Variants in GATA6 observed in about 807,000 individuals in gnomAD.
The protein encoded by GATA6 is transcription factor GATA-6.
A neutral mutation model predicts 48.1 loss-of-function variants in GATA6; 11 were observed. The ratio of observed to expected loss-of-function variants is 0.23; its 90% CI spans 0.14 to 0.38. The LOEUF is 0.38. Ranked by LOEUF, GATA6 falls within the 10% of genes least tolerant of loss-of-function variation. The pLI, the probability that GATA6 is intolerant of heterozygous loss-of-function variation, is 1.00. For missense variants in GATA6, 795 were observed against 850.3 expected, an observed-to-expected ratio of 0.93 and a Z score of 0.81; for synonymous variants, 419 against 396.1, an observed-to-expected ratio of 1.06 and a Z score of -0.69.
intron 6 of GATA6, among the ~76,000 whole-genome samples, chr18:22,184,574 A>C (rs1370042408): frequency 1.3e-5 from 2 of 151,944 alleles, no homozygotes; most frequent in Non-Finnish European, 2.9e-5. Context: ...GGCTCACTGC[A>C]ACCTCCACTT....
At position 22,172,321 on chromosome 18, in the gene GATA6, C is replaced by T; in HGVS notation, c.1135+42C>T. The T allele has an allele frequency of 6.6e-7, 1 of 1,517,764 alleles. No individual in the cohort carries two copies. The highest frequency in any genetic ancestry group is 1.4e-5 in the African/African-American group (1 of 72,630). 94.0% of individuals were successfully genotyped at this position (1,517,764 alleles called of 1,614,324 possible). On this transcript the variant is annotated intron_variant, in intron 2 of 6. Transcript: ENST00000269216. The surrounding 1 kb of genome is among the most constrained non-coding windows in gnomAD (Gnocchi z 5.2). The stretch of plus-strand genomic sequence containing the variant: ...AGGTTCGGGGTGCGGGTCCAAAGCG[C>T]TGGGGCGCACGGGGGACGTGGAGCA...
chr18:22,182,124 C>T (rs1030934900), intron 4 of GATA6, among the ~76,000 whole-genome samples: 1 of 152,158 alleles, frequency 6.6e-6, no homozygotes, highest in Non-Finnish European at 1.5e-5. Flanking sequence ...AATAACCTTG[C>T]ATCTGTAGGA....
chr18:22,172,029 C>G lies in GATA6; in HGVS notation c.885C>G (p.Gly295=). 5.6e-6 allele frequency: 7 copies of G among 1,249,956 alleles called. No individual in the cohort carries two copies. The highest frequency in any genetic ancestry group is 7.0e-6 in the Non-Finnish European group (7 of 1,000,454). The allele number at this position is 1,249,956 out of a possible 1,614,324, so 77.4% of individuals were successfully genotyped here. The stretch of plus-strand genomic sequence containing the variant: ...GTGGGGGCGCGGGAGGCGTGAGCGG[C>G]GGCGGCAGTAGCCTGGCGGCCATGG... The part of the protein sequence containing the change: ...AGSGGAGGVS[G]GGSSLAAMGG... The change falls in exon 2 of 7, where the codon GGC becomes GGG. Residue 295 remains glycine (G), a synonymous_variant. Coordinates refer to ENST00000269216, the MANE Select transcript of GATA6 (RefSeq NM_005257.6). This position sits in a 1 kb window ranked among gnomAD's most constrained non-coding sequence, Gnocchi z 5.2.
intron 6 of GATA6, among the ~76,000 whole-genome samples, chr18:22,188,033 T>C (rs2033284932): frequency 1.3e-5 from 2 of 152,104 alleles, no homozygotes; most frequent in African/African-American, 4.8e-5. Flanking sequence ...GACTAGGAGT[T>C]TGAGATCAGC....
chr18:22,177,245 G>A (rs967721170), intron 3 of GATA6, 124 bp downstream of exon 3: 3 of 873,436 alleles, frequency 3.4e-6, no homozygotes, highest in African/African-American at 3.6e-5. Context: ...CGGCCGCTGC[G>A]GTCCCACCCT....
chr18:22,191,031 TCGTGTGTGTG>T (rs2033320926), intron 6 of GATA6, among the ~76,000 whole-genome samples: 2 of 106,910 alleles, frequency 1.9e-5, no homozygotes, highest in African/African-American at 7.6e-5. Flanking sequence ...TTTTTAAATC[TCGTGTGTGTG>T]TGTGTGTGTG....
chr18:22,171,478 TTGC>T lies in GATA6; in HGVS notation c.340_342del (p.Leu114del). 1.2e-6 allele frequency: 2 copies of T among 1,601,038 alleles called. No homozygotes were observed. Among genetic ancestry groups the T allele is most frequent in the Non-Finnish European group, 8.5e-7 (1 of 1,179,504 alleles). The stretch of plus-strand genomic sequence containing the variant: ...GGGCAACCTGTCGAGCTGGGAGGAC[TTGC>T]TGCTGTTCACTGACCTCGACCAAGC... On this transcript the variant is annotated inframe_deletion, in exon 2 of 7. Transcript: ENST00000269216. The surrounding 1 kb of genome is among the most constrained non-coding windows in gnomAD (Gnocchi z 7.1).
Position 22,197,638 on chromosome 18 carries a change from C to A in GATA6, c.1621-3018C>A, listed in dbSNP as rs535314330. On this transcript the variant is annotated intron_variant, in intron 6 of 6. Coordinates refer to ENST00000269216, the MANE Select transcript of GATA6 (RefSeq NM_005257.6). ...ACGGAATGTTTAACATGGCAAGGCA[C>A]CTTGCCTTCGCTTTTACAAACGTTA... Among the ~76,000 whole-genome samples the A allele has an allele frequency of 2.0e-5, 3 of 152,330 alleles. No homozygotes were observed. In the East Asian group the frequency reaches 5.8e-4, roughly 29 times the overall value.
Position 22,171,684 on chromosome 18 carries a change from G to A in GATA6, c.540G>A (p.Ala180=). 1 of 1,498,664 alleles carries A rather than the reference G, an allele frequency of 6.7e-7. No individual in the cohort carries two copies. The highest frequency in any genetic ancestry group is 8.8e-7 in the Non-Finnish European group (1 of 1,132,908). The allele number at this position is 1,498,664 out of a possible 1,614,324, so 92.8% of individuals were successfully genotyped here. A position where few individuals can be genotyped will look rare whatever the true frequency, so the allele number is the denominator to read the frequency against. The change falls in exon 2 of 7, where the codon GCG becomes GCA. Residue 180 remains alanine, a synonymous_variant. Transcript: ENST00000269216. The surrounding 1 kb of genome is among the most constrained non-coding windows in gnomAD (Gnocchi z 7.1). ...CTGCGGCCGCGGCGGCAGCAGCCGC[G>A]GCGGCGGCCAGCTCCCCGGTCTACG... ...VHSAAAAAAA[A]AAASSPVYVP...
intron 6 of GATA6, among the ~76,000 whole-genome samples, chr18:22,188,921 A>G (rs751302386): frequency 6.6e-6 from 1 of 152,176 alleles, no homozygotes; most frequent in Non-Finnish European, 1.5e-5. Flanking sequence ...GACATGGTGT[A>G]TTAGGGATAG....
chr18:22,187,573 C>T (rs1214562480), intron 6 of GATA6, among the ~76,000 whole-genome samples: 1 of 151,318 alleles, frequency 6.6e-6, no homozygotes, highest in Non-Finnish European at 1.5e-5. Context: ...CGTTTATTGA[C>T]TGAATTGTAT....
rs1159338377 is a variant in GATA6, at chr18:22,171,610, A to G, written c.466A>G (p.Ser156Gly). The change falls in exon 2 of 7, where the codon AGC becomes GGC. Residue 156 changes from serine to glycine, a missense_variant. Physicochemically the swap from Ser to Gly is moderately conservative, Grantham distance 56. Around this residue, in one of 5 missense-constraint regions of GATA6, gnomAD observed 591 missense variants for 570.0 expected, o/e 1.04. Transcript: ENST00000269216. The surrounding 1 kb of genome is among the most constrained non-coding windows in gnomAD (Gnocchi z 7.1). ...EMYQTLAALS[S>G]QGPAAYDGAP... ...GTACCAGACCCTCGCCGCTCTCTCC[A>G]GCCAGGGTCCGGCCGCCTACGACGG... The G allele has an allele frequency of 4.4e-6, 7 of 1,599,494 alleles. No homozygotes were observed. The highest frequency in any genetic ancestry group is 5.9e-6 in the Non-Finnish European group (7 of 1,178,892).
rs181762297 is a variant in GATA6 at position 22,202,024 on chromosome 18, T to C, written c.*1201T>C. ...TTTTCAAAGCTTTCTTTTTATGCTG[T>C]ATGTGACTATAGATATTCATATAAA... On this transcript the variant is annotated 3_prime_UTR_variant, in exon 7 of 7. Coordinates refer to ENST00000269216, the MANE Select transcript of GATA6 (RefSeq NM_005257.6). 1 of 152,348 alleles carries C rather than the reference T, an allele frequency of 6.6e-6. No homozygotes were observed. Among genetic ancestry groups the C allele is most frequent in the Admixed American group, 6.5e-5 (1 of 15,302 alleles). 9.4% of individuals were successfully genotyped at this position (152,348 alleles called of 1,614,324 possible). A position where few individuals can be genotyped will look rare whatever the true frequency, so the allele number is the denominator to read the frequency against.
Position 22,171,158 on chromosome 18 carries a change from A to G in GATA6, c.14A>G (p.Asp5Gly), listed in dbSNP as rs2033033156. The part of the protein sequence containing the change: MALT[D>G]GGWCLPKRFG... ...GCCGGACCGTGGATGGCCTTGACTG[A>G]CGGCGGCTGGTGCTTGCCGAAGCGC... The change falls in exon 2 of 7, where the codon GAC becomes GGC. Residue 5 changes from aspartate (D) to glycine (G), a missense_variant. By Grantham distance (94) the Asp-to-Gly change is moderately conservative. Transcript: ENST00000269216. This position sits in a 1 kb window ranked among gnomAD's most constrained non-coding sequence, Gnocchi z 7.1. 6.3e-7 allele frequency: 1 copy of G among 1,599,780 alleles called. No individual in the cohort carries two copies. Among genetic ancestry groups the G allele is most frequent in the African/African-American group, 1.3e-5 (1 of 74,838 alleles).
chr18:22,195,868 A>G (rs1208211860), intron 6 of GATA6, among the ~76,000 whole-genome samples: 1 of 152,196 alleles, frequency 6.6e-6, no homozygotes, highest in Non-Finnish European at 1.5e-5. Context: ...GATTGTTTCT[A>G]TAGTTTCTAC....
chr18:22,180,677 CT>C (rs201442589), intron 3 of GATA6, among the ~76,000 whole-genome samples: 2,790 of 146,848 alleles, frequency 0.019, 37 homozygotes, highest in East Asian at 0.046. Context: ...AAATATATTT[CT>C]TTTTTTTTTT....
In GATA6 at chr18:22,170,473, C is replaced by A. The variant is rs533560601; in HGVS notation, c.-37-635C>A. On this transcript the variant is annotated intron_variant, in intron 1 of 6. Coordinates refer to ENST00000269216, the MANE Select transcript of GATA6 (RefSeq NM_005257.6). The surrounding 1 kb of genome is among the most constrained non-coding windows in gnomAD (Gnocchi z 6.7). ...TGCCCCCGCCCTGGCGTCCCACTTT[C>A]CCTGGGCCGAGTTGCATTTCTCTCT... Among the ~76,000 whole-genome samples, 1 of 152,246 alleles carries A rather than the reference C, an allele frequency of 6.6e-6. No homozygotes were observed. The highest frequency in any genetic ancestry group is 1.5e-5 in the Non-Finnish European group (1 of 68,038).
chr18:22,184,664 T>G (rs2033241164), intron 6 of GATA6, among the ~76,000 whole-genome samples: 1 of 151,710 alleles, frequency 6.6e-6, no homozygotes, highest in Non-Finnish European at 1.5e-5. Context: ...CTGGCTAATT[T>G]TTTTTTGTAT....
At chr18:22,200,150 T>C (rs2033439351) in intron 6 of GATA6, among the ~76,000 whole-genome samples, 3 of 152,030 alleles carry the variant, frequency 2.0e-5, no homozygotes, top group East Asian at 1.9e-4. Flanking sequence ...AAAAAGACTT[T>C]GCCATCACTG....
Sources: gnomAD v4.1 joint callset for allele counts (sites outside exome capture counted in the v4.1 genomes callset) on GRCh38, gnomAD v4.1.1 for gene constraint, gnomAD v4.1.1 regional missense constraint, Gnocchi (gnomAD v3.1) non-coding constraint, MANE v1.5 for transcripts, NCBI Gene and HGNC (gene_info 2026-07-23, HGNC 2026-07-21) for gene names.